SORBS2: variants seen among roughly 807,000 people sequenced by gnomAD.
The protein encoded by SORBS2 is sorbin and SH3 domain-containing protein 2.
In SORBS2, 46 loss-of-function variants were observed where a neutral mutation model predicts 97.7. That is an observed-to-expected ratio of 0.47 (90% CI 0.37 to 0.60). The LOEUF is 0.60. SORBS2 is among the 20% of genes least tolerant of loss of function. SORBS2 has a pLI of 0.00. For missense variants in SORBS2, 1,316 were observed against 1,282.3 expected (o/e 1.03, Z -0.40); for synonymous variants, 476 against 473.4 (o/e 1.01, Z -0.07).
At chr4:185,945,971 G>A (rs1362149815) in intron 1 of SORBS2, among the ~76,000 whole-genome samples, 5 of 152,196 alleles carry the variant, frequency 3.3e-5, no homozygotes, top group Non-Finnish European at 5.9e-5. Context: ...TTGGGAGCTC[G>A]CATGTTGACA....
At chr4:185,697,358 T>C (rs2098191090) in intron 2 of SORBS2, among the ~76,000 whole-genome samples, 1 of 152,148 alleles carries the variant, frequency 6.6e-6, no homozygotes, top group Non-Finnish European at 1.5e-5. Flanking sequence ...TTTTCCCGTC[T>C]CCCAATTGTC....
chr4:185,780,393 T>G (rs1053368976), intron 1 of SORBS2, among the ~76,000 whole-genome samples: 1 of 152,202 alleles, frequency 6.6e-6, no homozygotes, highest in African/African-American at 2.4e-5. Context: ...TAAGGATACC[T>G]GGTAGCTCTG....
At chr4:185,908,788 A>G (rs1269466730) in intron 1 of SORBS2, among the ~76,000 whole-genome samples, 1 of 152,154 alleles carries the variant, frequency 6.6e-6, no homozygotes, top group South Asian at 2.1e-4. Flanking sequence ...TGTTCTATCA[A>G]GACACAAAAC....
At chr4:185,614,697 G>T in intron 11 of SORBS2, 134 bp downstream of exon 23, 1 of 1,157,994 alleles carries the variant, frequency 8.6e-7, no homozygotes, top group Non-Finnish European at 1.2e-6. Flanking sequence ...AGAGTCCTTT[G>T]TAGAAAATAG....
chr4:185,641,054 A>G (rs905892697), intron 4 of SORBS2, among the ~76,000 whole-genome samples: 2 of 152,222 alleles, frequency 1.3e-5, no homozygotes, highest in Non-Finnish European at 2.9e-5. Flanking sequence ...TTAGCTATGT[A>G]GCTTCACTTT....
intron 4 of SORBS2, among the ~76,000 whole-genome samples, chr4:185,640,652 A>G (rs1452363731): frequency 1.3e-5 from 2 of 152,204 alleles, no homozygotes; most frequent in East Asian, 1.9e-4. Flanking sequence ...CAATAGTTGC[A>G]ATAGTATTAA....
In SORBS2 at chr4:185,635,424, G is replaced by T; in HGVS notation, c.397-4826C>A. 3 of 1,606,772 alleles carry T rather than the reference G, an allele frequency of 1.9e-6. No individual in the cohort carries two copies. The highest frequency in any genetic ancestry group is 1.7e-4 in the Middle Eastern group (1 of 6,046). ...GCTTTTTAGGAGGCTGGGTGTAGAC[G>T]CACCACAGAAGCAGAAGTGTAGGGA... is the stretch of plus-strand genomic sequence containing the variant. On this transcript the variant is annotated intron_variant, in intron 4 of 14. Transcript: ENST00000418609.
chr4:185,849,993 C>T (rs1319727669), intron 1 of SORBS2, among the ~76,000 whole-genome samples: 2 of 152,200 alleles, frequency 1.3e-5, no homozygotes, highest in Non-Finnish European at 2.9e-5. Context: ...TTGATCCACA[C>T]CCACCCTGGC....
At chr4:185,590,751 G>A (rs2095907019) in intron 13 of SORBS2, among the ~76,000 whole-genome samples, 1 of 152,180 alleles carries the variant, frequency 6.6e-6, no homozygotes. Flanking sequence ...ATGGGCTGGT[G>A]TTTTTGGAAA....
chr4:185,750,337 C>T (rs2098791560), intron 2 of SORBS2, among the ~76,000 whole-genome samples: 1 of 152,180 alleles, frequency 6.6e-6, no homozygotes, highest in Non-Finnish European at 1.5e-5. Context: ...CTCATAATCC[C>T]GACAACACTG....
At chr4:185,955,610 C>T (rs11132372) in intron 1 of SORBS2, among the ~76,000 whole-genome samples, 27,931 of 152,110 alleles carry the variant, frequency 0.18, 3,205 homozygotes, top group East Asian at 0.58. Context: ...AACAAGAGCG[C>T]CTAACACGCT....
intron 9 of SORBS2, among the ~76,000 whole-genome samples, chr4:185,616,901 A>C (rs2096636794): frequency 1.3e-5 from 2 of 151,980 alleles, no homozygotes; most frequent in African/African-American, 4.8e-5. Flanking sequence ...GGCACCCACC[A>C]CCACCCCTGG....
chr4:185,588,676 A>G (rs2095850188), intron 14 of SORBS2, among the ~76,000 whole-genome samples: 1 of 140,346 alleles, frequency 7.1e-6, no homozygotes, highest in African/African-American at 2.6e-5. Flanking sequence ...GTGCAGTGGC[A>G]TGATCTCGGC....
At chr4:185,802,888 T>C (rs2099137095) in intron 1 of SORBS2, among the ~76,000 whole-genome samples, 1 of 152,264 alleles carries the variant, frequency 6.6e-6, no homozygotes, top group Non-Finnish European at 1.5e-5. Context: ...GAGGCCATTC[T>C]GTTTTGTTGA....
chr4:185,592,489 A>G (rs1443654624), intron 13 of SORBS2, among the ~76,000 whole-genome samples: 1 of 152,214 alleles, frequency 6.6e-6, no homozygotes, highest in African/African-American at 2.4e-5. Context: ...GTTTGGGTAA[A>G]TAAGAGAACA....
chr4:185,904,239 G>A (rs962580002), intron 1 of SORBS2, among the ~76,000 whole-genome samples: 2 of 152,192 alleles, frequency 1.3e-5, no homozygotes, highest in African/African-American at 4.8e-5. Context: ...CAGTATAAGA[G>A]CAGCAGGATC....
At chr4:185,905,858 T>C (rs950137661) in intron 1 of SORBS2, among the ~76,000 whole-genome samples, 4 of 152,292 alleles carry the variant, frequency 2.6e-5, no homozygotes, top group Non-Finnish European at 4.4e-5. Context: ...AATAAGGTAG[T>C]CAGGGCCCTT....
intron 12 of SORBS2, among the ~76,000 whole-genome samples, chr4:185,611,216 G>C (rs1455569511): frequency 1.3e-5 from 2 of 151,958 alleles, no homozygotes; most frequent in Non-Finnish European, 2.9e-5. Flanking sequence ...AAAAATTTTT[G>C]CTCTAGCTCA....
chr4:185,770,475 C>T (rs947182020), intron 2 of SORBS2, among the ~76,000 whole-genome samples: 2 of 152,122 alleles, frequency 1.3e-5, no homozygotes, highest in Admixed American at 6.5e-5. Context: ...TTTTGGATTT[C>T]GGACTTTTAG....
Sources: allele counts gnomAD v4.1 joint callset (sites outside exome capture counted in the v4.1 genomes callset), GRCh38; gene constraint gnomAD v4.1.1; transcripts MANE v1.5; gene names NCBI Gene and HGNC (gene_info 2026-07-23, HGNC 2026-07-21).